PDIA4: variants seen among roughly 807,000 people sequenced by gnomAD.
The protein encoded by PDIA4 is protein disulfide-isomerase A4.
A neutral mutation model predicts 62.1 loss-of-function variants in PDIA4; 33 were observed. That is an observed-to-expected ratio of 0.53 (90% CI 0.40 to 0.71). PDIA4 has a LOEUF of 0.71. PDIA4 is among the 30% of genes least tolerant of loss of function. PDIA4 has a pLI of 0.00. For synonymous variants in PDIA4, 341 were observed against 324.1 expected, an observed-to-expected ratio of 1.05 and a Z score of -0.56; for missense variants, 804 against 813.6, an observed-to-expected ratio of 0.99 and a Z score of 0.14.
At chr7:149,014,833 C>A in intron 4 of PDIA4, 71 bp downstream of exon 4, 2 of 1,471,920 alleles carry the variant, frequency 1.4e-6, no homozygotes, top group South Asian at 1.2e-5. Flanking sequence ...GCCTCACGGG[C>A]AGGGGCCTGC....
In PDIA4 at chr7:149,003,851, C is replaced by G. The variant is rs747229439; in HGVS notation, c.1881G>C (p.Leu627Phe). ...FEGGDRDLEHLSKFIEEHATK... is the reference protein window; with the variant it reads ...FEGGDRDLEHFSKFIEEHATK... ...TGGCATGTTCTTCTATAAACTTGCT[C>G]AAATGCTCCAGATCTCTGTCTCCAC... The change falls in exon 10 of 10, where the codon TTG (leucine) becomes TTC (phenylalanine). Residue 627 changes from leucine to phenylalanine, a missense_variant. By Grantham distance (22) the Leu-to-Phe change is conservative (BLOSUM62 0). Transcript: ENST00000652332. 3.7e-6 allele frequency: 6 copies of G among 1,604,792 alleles called. No individual in the cohort carries two copies. The highest frequency in any genetic ancestry group is 1.1e-5 in the South Asian group (1 of 89,152).
At position 149,021,076 on chromosome 7, in the gene PDIA4, C is replaced by G. The variant is rs144700814; in HGVS notation, c.160G>C (p.Asp54His). 1.6e-4 allele frequency: 261 copies of G among 1,613,878 alleles called. 3 individuals carry two copies. In the East Asian group the frequency reaches 5.5e-3, roughly 34 times the overall value. ...EEEEDDDEEE[D>H]DLEVKEENGV... ...TTTTCTTCCTTAACTTCCAAGTCGT[C>G]TTCTTCCTCATCATCATCTTCCTCC... The change falls in exon 2 of 10, where the codon GAC (aspartate) becomes CAC (histidine). Residue 54 changes from aspartate to histidine, a missense_variant. Transcript: ENST00000652332.
At position 149,012,006 on chromosome 7, in the gene PDIA4, T is replaced by TGGGAGC; in HGVS notation, c.821-8_821-3dup. 1 of 1,591,436 alleles carries TGGGAGC rather than the reference T, an allele frequency of 6.3e-7. No homozygotes were observed. The highest frequency in any genetic ancestry group is 1.7e-5 in the Admixed American group (1 of 57,888). On this transcript the variant is annotated splice_polypyrimidine_tract_variant and splice_region_variant and intron_variant, in intron 5 of 9. Transcript: ENST00000652332. ...GCTCGATCATGTAATCAACGATTCCTGGGAGCAGGGCACACGCCTGAGCAG... is the reference window on the plus strand; with the variant it reads ...GCTCGATCATGTAATCAACGATTCCTGGGAGCGGGAGCAGGGCACACGCCTGAGCAG...
At position 149,014,935 on chromosome 7, in the gene PDIA4, C is replaced by G. The variant is rs565062386; in HGVS notation, c.583G>C (p.Asp195His). 6.2e-7 allele frequency: 1 copy of G among 1,613,892 alleles called. No homozygotes were observed. The highest frequency in any genetic ancestry group is 8.5e-7 in the Non-Finnish European group (1 of 1,179,732). The part of the protein sequence containing the change: ...ENFDEVVNDA[D>H]IILVEFYAPW... ...GCATAAAACTCCACCAGAATGATATCTGCATCATTCACAACTTCATCAAAG... is the reference window on the plus strand; with the variant it reads ...GCATAAAACTCCACCAGAATGATATGTGCATCATTCACAACTTCATCAAAG... Residue 195 changes from aspartate to histidine, a missense_variant, in exon 4 of 10, where the codon GAT becomes CAT. Coordinates refer to ENST00000652332, the MANE Select transcript of PDIA4 (RefSeq NM_004911.5).
intron 1 of PDIA4, among the ~76,000 whole-genome samples, chr7:149,023,550 C>A (rs1824429148): frequency 6.6e-6 from 1 of 152,010 alleles, no homozygotes; most frequent in Non-Finnish European, 1.5e-5. Flanking sequence ...TTGGGACCAT[C>A]CATATCCACT....
intron 7 of PDIA4, among the ~76,000 whole-genome samples, chr7:149,006,642 A>AAGGGAGCAGAAGGCACTCAGGG (rs1222801450): frequency 1.3e-5 from 2 of 152,114 alleles, no homozygotes; most frequent in Non-Finnish European, 2.9e-5. Context: ...CGCTGGTGAG[A>AAGGGAGCAGAAGGCACTCAGGG]AGGGAGCAGA....
intron 6 of PDIA4, among the ~76,000 whole-genome samples, chr7:149,011,112 C>T (rs1563120639): frequency 6.6e-6 from 1 of 152,226 alleles, no homozygotes; most frequent in Non-Finnish European, 1.5e-5. Context: ...CACTAAGTAG[C>T]AAGCTGTGCA....
chr7:149,003,719 GCC>G lies in PDIA4; in HGVS notation c.*73_*74del. ...TCCGAGATACTGTCGTTTGTTGCCG[GCC>G]TCGGCGTGGACGCCCCGACCATGGG... On this transcript the variant is annotated 3_prime_UTR_variant, in exon 10 of 10. Transcript: ENST00000652332. 8.8e-7 allele frequency: 1 copy of G among 1,142,398 alleles called. No individual in the cohort carries two copies. Among genetic ancestry groups the G allele is most frequent in the African/African-American group, 1.6e-5 (1 of 62,618 alleles). 70.8% of individuals were successfully genotyped at this position (1,142,398 alleles called of 1,614,324 possible). A position where few individuals can be genotyped will look rare whatever the true frequency, so the allele number is the denominator to read the frequency against.
intron 6 of PDIA4, among the ~76,000 whole-genome samples, chr7:149,009,618 C>G (rs535759980): frequency 6.6e-6 from 1 of 150,772 alleles, no homozygotes; most frequent in East Asian, 1.9e-4. Flanking sequence ...TCTGAGGGCA[C>G]CCTACCACAG....
At chr7:149,014,122 G>C (rs1824045700) in intron 4 of PDIA4, among the ~76,000 whole-genome samples, 1 of 152,204 alleles carries the variant, frequency 6.6e-6, no homozygotes, top group African/African-American at 2.4e-5. Context: ...TTCTGCTGCA[G>C]AATCTGTGGC....
chr7:149,024,879 C>T (rs1324941500), intron 1 of PDIA4, among the ~76,000 whole-genome samples: 3 of 145,392 alleles, frequency 2.1e-5, no homozygotes, highest in Admixed American at 6.9e-5. Flanking sequence ...AACCCCAACA[C>T]TCTGGGAGGC....
chr7:149,016,666 C>A lies in PDIA4; in HGVS notation c.476-1624G>T, dbSNP rs531162008. Among the ~76,000 whole-genome samples, 34 of 152,280 alleles carry A rather than the reference C, an allele frequency of 2.2e-4. No homozygotes were observed. The South Asian group carries it at 6.8e-3, about 31-fold the overall frequency. ...CCTCCACACACCAGCCACCTGCCAC[C>A]ACATCCAGCTAATTTTTTATATTTT... is the stretch of plus-strand genomic sequence containing the variant. On this transcript the variant is annotated intron_variant, in intron 3 of 9. Coordinates refer to ENST00000652332, the MANE Select transcript of PDIA4 (RefSeq NM_004911.5).
rs9918632 is a variant in PDIA4 at position 149,012,442 on chromosome 7, C to T, written c.615-82G>A. The T allele has an allele frequency of 2.2e-3, 2,631 of 1,199,868 alleles. 48 individuals are homozygous for T. The African/African-American group carries it at 0.033, about 15-fold the overall frequency. 74.3% of individuals were successfully genotyped at this position (1,199,868 alleles called of 1,614,324 possible). On this transcript the variant is annotated intron_variant, in intron 4 of 9. Transcript: ENST00000652332. ...GCTAAATGAGCTGCAGAAACCCATC[C>T]TGTGCTCCCTAGTAACCTGGCCACA...
chr7:149,008,326 A>G lies in PDIA4; in HGVS notation c.980-16T>C. The G allele has an allele frequency of 1.2e-6, 2 of 1,601,104 alleles. No homozygotes were observed. Among genetic ancestry groups the G allele is most frequent in the Non-Finnish European group, 8.5e-7 (1 of 1,174,252 alleles). On this transcript the variant is annotated splice_polypyrimidine_tract_variant and intron_variant, in intron 6 of 9. Transcript: ENST00000652332. ...AGGTTGTTAGCTGAAACGTTAACAG[A>G]ATAAGATGTAATTTTGAAAATTGCC...
In PDIA4 at chr7:149,003,893, G is replaced by A. The variant is rs1181875712; in HGVS notation, c.1839C>T (p.Asn613=). The A allele has an allele frequency of 6.2e-7, 1 of 1,613,316 alleles. No homozygotes were observed. The highest frequency in any genetic ancestry group is 1.7e-4 in the Middle Eastern group (1 of 6,058). The change falls in exon 10 of 10, where the codon AAC becomes AAT. Residue 613 remains asparagine (N), a synonymous_variant. Transcript: ENST00000652332. ...IYFAPSGDKK[N]PVKFEGGDRD... is the part of the protein sequence containing the mutation. ...TGTCTCCACCCTCAAATTTAACTGG[G>A]TTCTTTTTGTCCCCACTGGGGGCGA...
At chr7:149,022,404 A>T (rs890707953) in intron 1 of PDIA4, among the ~76,000 whole-genome samples, 2 of 149,782 alleles carry the variant, frequency 1.3e-5, no homozygotes, top group African/African-American at 5.1e-5. Flanking sequence ...ATTTTATTTT[A>T]TTTTTTTTGC....
intron 7 of PDIA4, among the ~76,000 whole-genome samples, chr7:149,007,290 CG>C: frequency 6.6e-6 from 1 of 152,228 alleles, no homozygotes. Flanking sequence ...TGCAGGCCCC[CG>C]GGATTCCTGT....
intron 9 of PDIA4, among the ~76,000 whole-genome samples, chr7:149,004,535 G>A (rs143150332): frequency 9.8e-5 from 15 of 152,346 alleles, no homozygotes; most frequent in Admixed American, 4.6e-4. Flanking sequence ...GGAGGTGCCA[G>A]GACAACCCAC....
chr7:149,021,907 G>A (rs976623980), intron 1 of PDIA4, among the ~76,000 whole-genome samples: 1 of 152,108 alleles, frequency 6.6e-6, no homozygotes. Context: ...CCCACACTCT[G>A]CATTTCAGGG....
Sources: allele counts gnomAD v4.1 joint callset (sites outside exome capture counted in the v4.1 genomes callset), GRCh38; gene constraint gnomAD v4.1.1; transcripts MANE v1.5; gene names NCBI Gene and HGNC (gene_info 2026-07-23, HGNC 2026-07-21).